SNX30: variants seen among roughly 807,000 people sequenced by gnomAD.
SNX30 encodes the protein sorting nexin family member 30.
In SNX30, 24 loss-of-function variants were observed where a neutral mutation model predicts 46.4. That is an observed-to-expected ratio of 0.52 (90% CI 0.37 to 0.73). The LOEUF (loss-of-function observed/expected upper bound fraction) is 0.73, where lower values mean the gene tolerates loss of function less well. SNX30 is among the 30% of genes least tolerant of loss of function. The probability of loss-of-function intolerance (pLI) is 0.00; values close to 1 mark genes in which losing one functional copy is unlikely to be tolerated. For missense variants in SNX30, 533 were observed against 555.7 expected (o/e 0.96, Z 0.41); for synonymous variants, 189 against 211.5 (o/e 0.89, Z 0.92).
intron 1 of SNX30, among the ~76,000 whole-genome samples, chr9:112,763,000 T>C (rs1369075819): frequency 1.3e-5 from 2 of 152,134 alleles, no homozygotes; most frequent in African/African-American, 2.4e-5. Context: ...AGGTGCTTTC[T>C]AGCCTGCCCC....
intron 1 of SNX30, among the ~76,000 whole-genome samples, chr9:112,775,542 T>TTGTGTGTGTGTGTGTGTGTGTGTGTGTG (rs199600863): frequency 7.6e-6 from 1 of 131,336 alleles, no homozygotes; most frequent in African/African-American, 2.9e-5. Context: ...TATTTTAAAT[T>TTGTGTGTGTGTGTGTGTGTGTGTGTGTG]TGTGTGTGTG....
chr9:112,768,927 C>A (rs571903497), intron 1 of SNX30, among the ~76,000 whole-genome samples: 1 of 152,148 alleles, frequency 6.6e-6, no homozygotes, highest in South Asian at 2.1e-4. Flanking sequence ...AGTGCTGGGA[C>A]TACAGGCGTG....
intron 1 of SNX30, 33 bp from the exon 2 acceptor site, chr9:112,804,743 A>T: frequency 6.5e-7 from 1 of 1,544,480 alleles, no homozygotes; most frequent in Non-Finnish European, 8.8e-7. Context: ...GTATGTTTTC[A>T]TTTAATTTTA....
At chr9:112,786,560 G>A (rs1011904502) in intron 1 of SNX30, among the ~76,000 whole-genome samples, 1 of 151,924 alleles carries the variant, frequency 6.6e-6, no homozygotes, top group Non-Finnish European at 1.5e-5. Context: ...CATGGCCCTT[G>A]TTTACAGAGC....
intron 1 of SNX30, among the ~76,000 whole-genome samples, chr9:112,763,577 G>A (rs981475708): frequency 3.3e-5 from 5 of 151,756 alleles, no homozygotes; most frequent in South Asian, 4.2e-4. Context: ...CAGGCCGGGC[G>A]CCGTGGCTCA....
intron 1 of SNX30, among the ~76,000 whole-genome samples, chr9:112,787,245 T>C (rs1394369963): frequency 2.6e-5 from 4 of 152,180 alleles, no homozygotes; most frequent in Non-Finnish European, 4.4e-5. Flanking sequence ...TACAACATTA[T>C]TGAGTGCCAC....
chr9:112,759,056 A>C (rs1257955673), intron 1 of SNX30, among the ~76,000 whole-genome samples: 1 of 151,334 alleles, frequency 6.6e-6, no homozygotes, highest in Non-Finnish European at 1.5e-5. Context: ...GGTGGAGATA[A>C]GGTCTTGCTT....
At chr9:112,767,521 G>GT (rs1395202291) in intron 1 of SNX30, among the ~76,000 whole-genome samples, 2 of 151,696 alleles carry the variant, frequency 1.3e-5, no homozygotes, top group African/African-American at 4.8e-5. Context: ...TTTCCCCTAT[G>GT]TTTTTTTTCC....
chr9:112,845,090 T>TA (rs1392067357), intron 6 of SNX30, among the ~76,000 whole-genome samples: 2 of 152,032 alleles, frequency 1.3e-5, no homozygotes, highest in South Asian at 2.1e-4. Flanking sequence ...TCAAAGGCTT[T>TA]AAAAAAATAA....
In SNX30 at chr9:112,762,705, C is replaced by T. The variant is rs547716050; in HGVS notation, c.156+11548C>T. 9.2e-5 allele frequency among the ~76,000 whole-genome samples: 14 copies of T among 152,310 alleles called. 1 individual carries two copies. The South Asian group carries it at 2.9e-3, about 32-fold the overall frequency. On this transcript the variant is annotated intron_variant, in intron 1 of 8. Coordinates refer to ENST00000374232, the MANE Select transcript of SNX30 (RefSeq NM_001012994.2). ...GCCTTAGAAGCAGACCCTGAGAAAG[C>T]ATTTAATCGCCCATAGTTCGCTTGA... is the stretch of plus-strand genomic sequence containing the variant.
At chr9:112,881,738 T>G (rs1841580195), downstream of SNX30, 1 of 152,220 alleles carries the variant, frequency 6.6e-6, no homozygotes, top group Non-Finnish European at 1.5e-5. Context: ...ATAGCCATGG[T>G]CTCTGCCCTC....
At chr9:112,819,767 C>T (rs1012201716) in intron 3 of SNX30, among the ~76,000 whole-genome samples, 3 of 152,126 alleles carry the variant, frequency 2.0e-5, no homozygotes, top group East Asian at 1.9e-4. Flanking sequence ...CTTTCCCAAT[C>T]GGGGTAATGT....
In SNX30 at chr9:112,804,759, C is replaced by T; in HGVS notation, c.157-17C>T. On this transcript the variant is annotated splice_polypyrimidine_tract_variant and intron_variant, in intron 1 of 8. Transcript: ENST00000374232. ...TATGTTTTCATTTAATTTTAAGGTG[C>T]TCTTTTCTTCTTTTAGGATCTCATT... is the stretch of plus-strand genomic sequence containing the variant. 6.3e-7 allele frequency: 1 copy of T among 1,586,762 alleles called. No homozygotes were observed. Among genetic ancestry groups the T allele is most frequent in the Non-Finnish European group, 8.6e-7 (1 of 1,165,228 alleles).
At chr9:112,792,360 A>G (rs1361706785) in intron 1 of SNX30, among the ~76,000 whole-genome samples, 3 of 152,198 alleles carry the variant, frequency 2.0e-5, no homozygotes, top group Non-Finnish European at 4.4e-5. Flanking sequence ...CAACCTTTTA[A>G]TTTACAATCA....
chr9:112,865,639 ATATATATATATATATATATATATG>A (rs1841314760), intron 8 of SNX30, among the ~76,000 whole-genome samples: 1 of 116,598 alleles, frequency 8.6e-6, no homozygotes, highest in African/African-American at 3.3e-5. Flanking sequence ...ATATATATAT[ATATATATATATATATATATATATG>A]TATGTATGTA....
intron 7 of SNX30, among the ~76,000 whole-genome samples, chr9:112,856,502 G>A (rs557029612): frequency 2.8e-4 from 43 of 151,990 alleles, no homozygotes; most frequent in African/African-American, 8.7e-4. Context: ...GGGAAGTGTG[G>A]AGGTGTGTCG....
At chr9:112,846,887 G>A (rs2131473353) in intron 6 of SNX30, among the ~76,000 whole-genome samples, 1 of 152,278 alleles carries the variant, frequency 6.6e-6, no homozygotes, top group Non-Finnish European at 1.5e-5. Flanking sequence ...CCCTCCCATA[G>A]TTTGTGAGCC....
intron 7 of SNX30, among the ~76,000 whole-genome samples, chr9:112,861,283 A>G (rs1308015052): frequency 6.6e-6 from 1 of 152,200 alleles, no homozygotes; most frequent in Non-Finnish European, 1.5e-5. Context: ...ACCATGAAGA[A>G]AAGCAGAAGT....
chr9:112,866,389 A>G, intron 8 of SNX30: 1 of 467,940 alleles, frequency 2.1e-6, no homozygotes, highest in Non-Finnish European at 4.4e-6. Context: ...AGGAGACAAC[A>G]TACGCAAAGT....
Sources: gnomAD v4.1 joint callset for allele counts (sites outside exome capture counted in the v4.1 genomes callset) on GRCh38, gnomAD v4.1.1 for gene constraint, MANE v1.5 for transcripts, NCBI Gene and HGNC (gene_info 2026-07-23, HGNC 2026-07-21) for gene names.